The following FILIP1 variants were observed in gnomAD, a reference collection of about 807,000 sequenced individuals.
FILIP1 encodes filamin-A-interacting protein 1.
A neutral mutation model predicts 102.1 loss-of-function variants in FILIP1; 61 were observed. The observed-to-expected ratio is 0.60, with a 90% CI of 0.49 to 0.74. The LOEUF is 0.74. FILIP1 is among the 30% of genes least tolerant of loss of function. The probability of loss-of-function intolerance (pLI) is 0.00; values close to 1 mark genes in which losing one functional copy is unlikely to be tolerated. For synonymous variants in FILIP1, 491 were observed against 526.9 expected (o/e 0.93, Z 0.93); for missense variants, 1,314 against 1,441.2 (o/e 0.91, Z 1.43).
chr6:75,460,836 A>G (rs1303796716), intron 1 of FILIP1, among the ~76,000 whole-genome samples: 1 of 152,150 alleles, frequency 6.6e-6, no homozygotes, highest in Admixed American at 6.6e-5. Context: ...AATACTTGTT[A>G]GCTTTGTTTT....
chr6:75,332,449 T>C (rs1380529377), intron 4 of FILIP1, among the ~76,000 whole-genome samples: 1 of 152,202 alleles, frequency 6.6e-6, no homozygotes, highest in Non-Finnish European at 1.5e-5. Context: ...AGTTTGTCAC[T>C]TAAATGTGTG....
At chr6:75,329,879 G>A (rs1774011028) in intron 4 of FILIP1, among the ~76,000 whole-genome samples, 1 of 152,124 alleles carries the variant, frequency 6.6e-6, no homozygotes, top group African/African-American at 2.4e-5. Flanking sequence ...CAGGGTACAT[G>A]AGGTATCCAT....
At chr6:75,327,304 G>A (rs1773896499) in intron 4 of FILIP1, among the ~76,000 whole-genome samples, 1 of 151,984 alleles carries the variant, frequency 6.6e-6, no homozygotes, top group Non-Finnish European at 1.5e-5. Context: ...CTATCCCCCT[G>A]GCCCAAGCCA....
At chr6:75,368,041 T>C (rs544367212) in intron 2 of FILIP1, among the ~76,000 whole-genome samples, 118 of 152,340 alleles carry the variant, frequency 7.7e-4, no homozygotes, top group African/African-American at 2.8e-3. Context: ...TTCAACTTAT[T>C]TACTCCTGAT....
intron 1 of FILIP1, chr6:75,473,637 A>G (rs1779393333): frequency 6.6e-6 from 1 of 152,222 alleles, no homozygotes; most frequent in South Asian, 2.1e-4. Flanking sequence ...ATGTCCATGC[A>G]TACGCTAACT....
At chr6:75,362,630 T>C (rs190821213) in intron 3 of FILIP1, 114 bp downstream of exon 3, 1 of 841,384 alleles carries the variant, frequency 1.2e-6, no homozygotes, top group Admixed American at 2.4e-5. Context: ...TGTATATTAG[T>C]GTATCATCAA....
At chr6:75,458,792 C>T (rs1474842046) in intron 1 of FILIP1, 1 of 152,072 alleles carries the variant, frequency 6.6e-6, no homozygotes, top group African/African-American at 2.4e-5. Flanking sequence ...TTTCTTGGAG[C>T]TACAAAGATA....
chr6:75,348,812 C>T (rs926853323), intron 4 of FILIP1, among the ~76,000 whole-genome samples: 1 of 152,194 alleles, frequency 6.6e-6, no homozygotes, highest in Non-Finnish European at 1.5e-5. Flanking sequence ...TCCCAGGCTG[C>T]TCCTTCCGAG....
intron 2 of FILIP1, among the ~76,000 whole-genome samples, chr6:75,377,157 G>C (rs554560056): frequency 2.6e-5 from 4 of 152,202 alleles, no homozygotes; most frequent in African/African-American, 9.6e-5. Flanking sequence ...AATTAGAAAT[G>C]TTAAGTTTTT....
At chr6:75,327,031 A>G (rs1773887437) in intron 4 of FILIP1, among the ~76,000 whole-genome samples, 2 of 151,976 alleles carry the variant, frequency 1.3e-5, no homozygotes, top group Admixed American at 1.3e-4. Context: ...TCCATTCAGT[A>G]GCGTGGACAT....
At chr6:75,413,214 G>A (rs1777135397) in intron 2 of FILIP1, among the ~76,000 whole-genome samples, 1 of 152,126 alleles carries the variant, frequency 6.6e-6, no homozygotes, top group Non-Finnish European at 1.5e-5. Context: ...AGAAAAGTGA[G>A]CTAATGATGT....
downstream of FILIP1, among the ~76,000 whole-genome samples, chr6:75,304,717 A>G (rs1772932881): frequency 1.3e-5 from 2 of 152,228 alleles, no homozygotes; most frequent in South Asian, 4.1e-4. Context: ...ATAGAAAGTC[A>G]CACTATAAGC....
intron 1 of FILIP1, among the ~76,000 whole-genome samples, chr6:75,450,421 A>C (rs997636466): frequency 2.0e-5 from 3 of 152,090 alleles, no homozygotes; most frequent in African/African-American, 4.8e-5. Flanking sequence ...CCAAGACAAG[A>C]GGATTACTTG....
chr6:75,412,781 G>A (rs994881865), intron 2 of FILIP1, among the ~76,000 whole-genome samples: 13 of 152,232 alleles, frequency 8.5e-5, no homozygotes, highest in Admixed American at 6.5e-4. Flanking sequence ...ATGTGTGTGT[G>A]CATATATATA....
intron 1 of FILIP1, among the ~76,000 whole-genome samples, chr6:75,419,097 T>C (rs1299201623): frequency 6.6e-6 from 1 of 152,076 alleles, no homozygotes; most frequent in African/African-American, 2.4e-5. Context: ...TCATTTATGC[T>C]GAATTAACAA....
chr6:75,348,564 TAA>T (rs1229479329), intron 4 of FILIP1, among the ~76,000 whole-genome samples: 1 of 152,232 alleles, frequency 6.6e-6, no homozygotes, highest in Non-Finnish European at 1.5e-5. Flanking sequence ...TTTAGGTACT[TAA>T]TTTGTGGAAT....
chr6:75,491,686 T>A (rs183898737), intron 1 of FILIP1, among the ~76,000 whole-genome samples: 3 of 152,258 alleles, frequency 2.0e-5, no homozygotes, highest in Admixed American at 2.0e-4. Context: ...GGAGAACAGA[T>A]CTGCATTGTA....
intron 6 of FILIP1, among the ~76,000 whole-genome samples, chr6:75,302,191 G>A (rs1257405662): frequency 6.6e-6 from 1 of 152,126 alleles, no homozygotes; most frequent in Non-Finnish European, 1.5e-5. Context: ...TGGCTGTTTT[G>A]CATCCATCAC....
intron 1 of FILIP1, among the ~76,000 whole-genome samples, chr6:75,418,187 G>C (rs935312342): frequency 6.6e-6 from 1 of 152,166 alleles, no homozygotes; most frequent in Non-Finnish European, 1.5e-5. Flanking sequence ...GACAGAGCAA[G>C]ACTCCGTCTC....
Sources: allele counts gnomAD v4.1 joint callset (sites outside exome capture counted in the v4.1 genomes callset), GRCh38; gene constraint gnomAD v4.1.1; transcripts MANE v1.5; gene names NCBI Gene and HGNC (gene_info 2026-07-23, HGNC 2026-07-21).